SYNE1: variants seen among roughly 807,000 people sequenced by gnomAD.
SYNE1 encodes spectrin repeat containing nuclear envelope protein 1, also known as nesprin-1.
Under a neutral mutation model 1,111.0 loss-of-function variants are expected in SYNE1, and 616 were observed. That is an observed-to-expected ratio of 0.55 (90% CI 0.52 to 0.59). The LOEUF is 0.59. Among genes scored for constraint, SYNE1 ranks in the 20% least tolerant of loss-of-function variants. The pLI is 0.00. For missense variants in SYNE1, 10,006 were observed against 10,417.0 expected (o/e 0.96, Z 1.72); for synonymous variants, 3,855 against 3,825.8 (o/e 1.01, Z -0.28).
Position 152,358,418 on chromosome 6 carries a change from A to G in SYNE1, c.10563T>C (p.Leu3521=), listed in dbSNP as rs541901018. The G allele has an allele frequency of 1.2e-6, 2 of 1,614,164 alleles. No homozygotes were observed. The highest frequency in any genetic ancestry group is 1.3e-5 in the African/African-American group (1 of 75,034). Residue 3521 remains leucine, a synonymous_variant, in exon 66 of 146, where the codon CTT becomes CTC. Coordinates refer to ENST00000367255, the MANE Select transcript of SYNE1 (RefSeq NM_182961.4). ...EQEKLDQYSV[L]EGDAHTHETT... Reference sequence around the variant, plus strand: ...TCTCATGAGTGTGGGCATCACCTTCAAGAACTGAATACTGGTCGAGCTTTT... The same window carrying G: ...TCTCATGAGTGTGGGCATCACCTTCGAGAACTGAATACTGGTCGAGCTTTT...
chr6:152,543,240 G>T (rs543798959), intron 3 of SYNE1, among the ~76,000 whole-genome samples: 1 of 151,718 alleles, frequency 6.6e-6, no homozygotes, highest in East Asian at 1.9e-4. Flanking sequence ...AATTCTTTAC[G>T]TGTTTCCTTT....
chr6:152,307,077 G>A (rs574005164), intron 91 of SYNE1, among the ~76,000 whole-genome samples: 17 of 152,080 alleles, frequency 1.1e-4, no homozygotes, highest in East Asian at 7.7e-4. Flanking sequence ...ATTAAAAATC[G>A]TTTCAAAATA....
intron 6 of SYNE1, among the ~76,000 whole-genome samples, chr6:152,517,832 T>C (rs2099119558): frequency 6.6e-6 from 1 of 152,116 alleles, no homozygotes; most frequent in Non-Finnish European, 1.5e-5. Context: ...CTAGAGAGAC[T>C]GGTTATCTAA....
intron 82 of SYNE1, among the ~76,000 whole-genome samples, chr6:152,322,132 C>G (rs2095883868): frequency 6.6e-6 from 1 of 152,128 alleles, no homozygotes; most frequent in Admixed American, 6.5e-5. Context: ...AATCAATTTC[C>G]TATTTAAAGT....
chr6:152,145,044 T>C (rs2059225092), intron 137 of SYNE1: 1 of 218,190 alleles, frequency 4.6e-6, no homozygotes. Context: ...ATGAGGAGGA[T>C]AAAGTGGTGG....
chr6:152,265,915 G>A (rs552350691), intron 100 of SYNE1, among the ~76,000 whole-genome samples: 3 of 152,146 alleles, frequency 2.0e-5, no homozygotes, highest in Non-Finnish European at 4.4e-5. Context: ...AAAGCAGCTG[G>A]CAAGTTAAGG....
At position 152,157,814 on chromosome 6, in the gene SYNE1, A is replaced by C. The variant is rs530796570; in HGVS notation, c.23791-1717T>G. ...CACTCTGTCGCCCAGGCTGGAGTGC[A>C]GTGGCATGATCTCAGATCACTGCAA... On this transcript the variant is annotated intron_variant, in intron 131 of 145. Transcript: ENST00000367255. Among the ~76,000 whole-genome samples, 3 of 149,666 alleles carry C rather than the reference A, an allele frequency of 2.0e-5. No individual in the cohort carries two copies. The East Asian group carries it at 5.9e-4, about 30-fold the overall frequency.
At position 152,121,732 on chromosome 6, in the gene SYNE1, A is replaced by G. The variant is rs1429831383; in HGVS notation, c.*704T>C. On this transcript the variant is annotated 3_prime_UTR_variant, in exon 146 of 146. Transcript: ENST00000367255. ...AAATGCAAAGAAATCAATACAAACA[A>G]AACTTGGCTTTAGCAAACTGTACAT... 6.6e-6 allele frequency: 1 copy of G among 152,286 alleles called. No homozygotes were observed. Among genetic ancestry groups the G allele is most frequent in the East Asian group, 1.9e-4 (1 of 5,166 alleles). 9.4% of individuals were successfully genotyped at this position (152,286 alleles called of 1,614,324 possible). A position where few individuals can be genotyped will look rare whatever the true frequency, so the allele number is the denominator to read the frequency against.
Position 152,471,638 on chromosome 6 carries a change from C to T in SYNE1, c.1591G>A (p.Gly531Arg), listed in dbSNP as rs773086853. The change falls in exon 16 of 146, where the codon GGG becomes AGG. Residue 531 changes from glycine to arginine, a missense_variant. Physicochemically the swap from Gly to Arg is moderately radical, Grantham distance 125. This residue lies in a region of SYNE1 where 1,971 missense variants were observed against 2,084.1 expected (regional missense o/e 0.95). Transcript: ENST00000367255. ...SKLKSWIIKY[G>R]RRESVEQLLQ... The stretch of plus-strand genomic sequence containing the variant: ...AGCTGCTCCACTGACTCTCTCCTCC[C>T]GTACTTAATGATCCAAGACTTCAGC... 5.0e-6 allele frequency: 8 copies of T among 1,613,860 alleles called. No individual in the cohort carries two copies. Among genetic ancestry groups the T allele is most frequent in the Middle Eastern group, 1.6e-4 (1 of 6,080 alleles).
At chr6:152,367,417 T>C in intron 61 of SYNE1, 35 bp from the exon 62 acceptor site, 2 of 1,610,928 alleles carry the variant, frequency 1.2e-6, no homozygotes, top group Non-Finnish European at 1.7e-6. Flanking sequence ...GAGCTGTCCA[T>C]CCCACAGAGA....
chr6:152,141,030 G>A (rs1012568493), intron 139 of SYNE1, among the ~76,000 whole-genome samples, 173 bp downstream of exon 139: 1 of 136,138 alleles, frequency 7.3e-6, no homozygotes, highest in African/African-American at 3.0e-5. Flanking sequence ...GCGCCACTCC[G>A]CCTCAAAAAA....
At chr6:152,495,661 TGAC>T (rs1299808698) in intron 11 of SYNE1, among the ~76,000 whole-genome samples, 1 of 152,196 alleles carries the variant, frequency 6.6e-6, no homozygotes, top group Non-Finnish European at 1.5e-5. Flanking sequence ...CTCATTCCAA[TGAC>T]CTGCTGTCAT....
At chr6:152,446,529 A>G (rs1041458165) in intron 29 of SYNE1, among the ~76,000 whole-genome samples, 1 of 152,190 alleles carries the variant, frequency 6.6e-6, no homozygotes, top group Admixed American at 6.5e-5. Context: ...ATGAAGGTTA[A>G]CAGATGAATT....
Position 152,236,318 on chromosome 6 carries a change from T to C in SYNE1, c.20200-15A>G. 1 of 1,594,960 alleles carries C rather than the reference T, an allele frequency of 6.3e-7. No homozygotes were observed. On this transcript the variant is annotated splice_polypyrimidine_tract_variant and intron_variant, in intron 109 of 145. Coordinates refer to ENST00000367255, the MANE Select transcript of SYNE1 (RefSeq NM_182961.4). The stretch of plus-strand genomic sequence containing the variant: ...GATTTTAAATGCTAAAATATTGAAA[T>C]TATTGAGTTAAAAGTTTGGATATGC...
intron 52 of SYNE1, among the ~76,000 whole-genome samples, chr6:152,390,844 G>A (rs1004455812): frequency 2.6e-5 from 4 of 152,094 alleles, no homozygotes; most frequent in African/African-American, 9.7e-5. Flanking sequence ...GTCTGGGTTG[G>A]TGATCTCCTC....
Position 152,331,001 on chromosome 6 carries a change from C to T in SYNE1, c.13684G>A (p.Val4562Ile), listed in dbSNP as rs973116936. 6.2e-6 allele frequency: 10 copies of T among 1,614,150 alleles called. No individual in the cohort carries two copies. The highest frequency in any genetic ancestry group is 8.5e-6 in the Non-Finnish European group (10 of 1,180,032). ...HRLQELEKNL[V>I]SRKHFKEDFD... ...TCTTCCTTAAAATGCTTCCTAGAAA[C>T]CAAATTCTTCTCTAGTTCTTGTAAC... The change falls in exon 78 of 146, where the codon GTT becomes ATT. Residue 4562 changes from valine to isoleucine, a missense_variant. Physicochemically the swap from Val to Ile is conservative, Grantham distance 29 (BLOSUM62 3). Transcript: ENST00000367255.
At chr6:152,484,484 T>C (rs1176161051) in intron 13 of SYNE1, among the ~76,000 whole-genome samples, 1 of 152,218 alleles carries the variant, frequency 6.6e-6, no homozygotes, top group Admixed American at 6.5e-5. Context: ...GGCTCTACTC[T>C]GGAGAATCTG....
At chr6:152,221,306 G>A (rs1474910099) in intron 118 of SYNE1, 120 bp downstream of exon 118, 5 of 1,305,200 alleles carry the variant, frequency 3.8e-6, no homozygotes, top group Non-Finnish European at 3.2e-6. Context: ...TGTTGTGAAA[G>A]AGAAGTTTAA....
At chr6:152,396,552 T>C (rs1158282874) in intron 50 of SYNE1, among the ~76,000 whole-genome samples, 1 of 152,216 alleles carries the variant, frequency 6.6e-6, no homozygotes, top group Non-Finnish European at 1.5e-5. Flanking sequence ...CAGTTACTAG[T>C]AAATATAGTT....
Sources: gnomAD v4.1 joint callset for allele counts (sites outside exome capture counted in the v4.1 genomes callset) on GRCh38, gnomAD v4.1.1 for gene constraint, gnomAD v4.1.1 regional missense constraint, MANE v1.5 for transcripts, NCBI Gene and HGNC (gene_info 2026-07-23, HGNC 2026-07-21) for gene names.